The following VPS8 variants were observed in gnomAD, a reference collection of about 807,000 sequenced individuals.
VPS8 encodes VPS8 subunit of CORVET complex.
VPS8 carries 129 observed loss-of-function variants against 216.4 expected under a neutral mutation model. That is an observed-to-expected ratio of 0.60 (90% CI 0.52 to 0.69). The LOEUF is 0.69. Among genes scored for constraint, VPS8 ranks in the 30% least tolerant of loss-of-function variants. VPS8 has a pLI of 0.00. For synonymous variants in VPS8, 571 were observed against 565.4 expected, an observed-to-expected ratio of 1.01 and a Z score of -0.14; for missense variants, 1,531 against 1,683.5, an observed-to-expected ratio of 0.91 and a Z score of 1.59.
At chr3:185,026,410 C>CTTT (rs3045678) in intron 46 of VPS8, among the ~76,000 whole-genome samples, 1 of 119,118 alleles carries the variant, frequency 8.4e-6, no homozygotes, top group Non-Finnish European at 1.7e-5. Context: ...GGCTGTATTT[C>CTTT]TTTTTTTTTT....
At chr3:184,853,300 C>G (rs1282691103) in intron 11 of VPS8, among the ~76,000 whole-genome samples, 1 of 152,142 alleles carries the variant, frequency 6.6e-6, no homozygotes, top group Non-Finnish European at 1.5e-5. Flanking sequence ...ATGAAATCAC[C>G]TCAGATGGAT....
At chr3:184,861,379 A>AT (rs1268996807) in intron 15 of VPS8, among the ~76,000 whole-genome samples, 3 of 152,296 alleles carry the variant, frequency 2.0e-5, no homozygotes, top group Middle Eastern at 3.4e-3. Context: ...GATAACTGTA[A>AT]TTTTTTAGGA....
intron 5 of VPS8, among the ~76,000 whole-genome samples, chr3:184,836,933 T>G (rs1375762043): frequency 6.6e-6 from 1 of 152,088 alleles, no homozygotes; most frequent in Non-Finnish European, 1.5e-5. Flanking sequence ...TCAAAGTAAC[T>G]TTTTTTTAAG....
At chr3:184,818,651 GC>G (rs1376030029) in intron 1 of VPS8, among the ~76,000 whole-genome samples, 8 of 151,912 alleles carry the variant, frequency 5.3e-5, no homozygotes, top group African/African-American at 1.9e-4. Flanking sequence ...GAAGAGAAAT[GC>G]TTGGATTGGG....
At chr3:184,872,795 T>G (rs1015506222) in intron 21 of VPS8, among the ~76,000 whole-genome samples, 2 of 151,952 alleles carry the variant, frequency 1.3e-5, no homozygotes, top group African/African-American at 4.8e-5. Flanking sequence ...GAAAAAAATA[T>G]GGGCACAATC....
chr3:184,842,185 T>TAAAAAAA (rs1209831481), intron 7 of VPS8, among the ~76,000 whole-genome samples: 3 of 25,166 alleles, frequency 1.2e-4, no homozygotes, highest in Admixed American at 1.2e-3. Context: ...AGACTCCGTC[T>TAAAAAAA]CAAAAAAAAA....
intron 3 of VPS8, among the ~76,000 whole-genome samples, chr3:184,827,557 A>G (rs1430783720): frequency 6.6e-6 from 1 of 152,238 alleles, no homozygotes; most frequent in Non-Finnish European, 1.5e-5. Context: ...CATTTCAATT[A>G]TTAAGTGTAA....
At chr3:185,034,317 T>C (rs1482233362) in intron 46 of VPS8, among the ~76,000 whole-genome samples, 1 of 152,226 alleles carries the variant, frequency 6.6e-6, no homozygotes, top group Admixed American at 6.5e-5. Flanking sequence ...TCCTTGCTAT[T>C]GTGAGTAATA....
chr3:184,871,052 G>A (rs186071984), intron 21 of VPS8, among the ~76,000 whole-genome samples: 21 of 152,186 alleles, frequency 1.4e-4, no homozygotes, highest in African/African-American at 4.1e-4. Context: ...AAGGATATAC[G>A]TGTGAAGATC....
chr3:184,980,921 C>G (rs911348684), intron 40 of VPS8, among the ~76,000 whole-genome samples: 2 of 152,168 alleles, frequency 1.3e-5, no homozygotes, highest in Non-Finnish European at 2.9e-5. Context: ...AGAGTTCTTT[C>G]TCATCCGTAT....
chr3:184,839,477 T>C, intron 6 of VPS8: 1 of 495,468 alleles, frequency 2.0e-6, no homozygotes, highest in Non-Finnish European at 3.5e-6. Context: ...ACATATGATA[T>C]TTTGATAGTG....
At chr3:184,922,592 C>G in intron 29 of VPS8, 1 of 320,318 alleles carries the variant, frequency 3.1e-6, no homozygotes. Flanking sequence ...TGGTGACTTG[C>G]CATTCTTGTA....
chr3:184,863,715 G>A (rs1726813439), intron 16 of VPS8, among the ~76,000 whole-genome samples: 1 of 152,096 alleles, frequency 6.6e-6, no homozygotes, highest in South Asian at 2.1e-4. Flanking sequence ...ACCTTGAATT[G>A]TGATCTCATG....
chr3:184,846,390 A>G (rs1403269708), intron 8 of VPS8, among the ~76,000 whole-genome samples: 3 of 152,184 alleles, frequency 2.0e-5, no homozygotes, highest in African/African-American at 7.2e-5. Flanking sequence ...TTAATCTACA[A>G]GTTATGTCCT....
chr3:184,966,261 G>C (rs1346480568), intron 38 of VPS8, among the ~76,000 whole-genome samples: 2 of 152,104 alleles, frequency 1.3e-5, no homozygotes, highest in East Asian at 1.9e-4. Context: ...TTACCACAGA[G>C]GGGCGCACCA....
intron 1 of VPS8, among the ~76,000 whole-genome samples, chr3:184,822,175 G>A (rs1717757696): frequency 6.6e-6 from 1 of 152,154 alleles, no homozygotes; most frequent in South Asian, 2.1e-4. Flanking sequence ...CAGGGGTGGG[G>A]AGAAGTGATT....
In VPS8 at chr3:184,920,218, A is replaced by T; in HGVS notation, c.2454+20A>T. 7.1e-7 allele frequency: 1 copy of T among 1,414,228 alleles called. No homozygotes were observed. Among genetic ancestry groups the T allele is most frequent in the Non-Finnish European group, 9.5e-7 (1 of 1,052,446 alleles). The allele number at this position is 1,414,228 out of a possible 1,614,324, so 87.6% of individuals were successfully genotyped here. On this transcript the variant is annotated intron_variant, in intron 29 of 47. Transcript: ENST00000625842. ...TTGAAAGTAAGTATTCAAAGAATAC[A>T]TGTCTTTATATTGATATTTATATTA... is the stretch of plus-strand genomic sequence containing the variant.
chr3:185,031,067 T>TTTTTTTG (rs1561199175), intron 46 of VPS8, among the ~76,000 whole-genome samples: 2 of 136,512 alleles, frequency 1.5e-5, no homozygotes, highest in African/African-American at 6.0e-5. Flanking sequence ...GTTGGCGTTT[T>TTTTTTTG]TTTTTTTTTT....
At chr3:184,832,903 A>C in intron 4 of VPS8, 84 bp downstream of exon 4, 1 of 1,484,910 alleles carries the variant, frequency 6.7e-7, no homozygotes, top group African/African-American at 1.4e-5. Context: ...TTAAAGTACA[A>C]TATGGTCTGT....
Sources: gnomAD v4.1 joint callset for allele counts (sites outside exome capture counted in the v4.1 genomes callset) on GRCh38, gnomAD v4.1.1 for gene constraint, MANE v1.5 for transcripts, NCBI Gene and HGNC (gene_info 2026-07-23, HGNC 2026-07-21) for gene names.